The following PRXL2A variants were observed in gnomAD, a reference collection of about 807,000 sequenced individuals.
PRXL2A encodes peroxiredoxin-like 2A.
PRXL2A carries 26 observed loss-of-function variants against 25.6 expected under a neutral mutation model. The observed-to-expected ratio is 1.02, with a 90% CI of 0.74 to 1.41. PRXL2A has a LOEUF of 1.41. PRXL2A is among the 40% of genes most tolerant of loss of function. The pLI, the probability that PRXL2A is intolerant of heterozygous loss-of-function variation, is 0.00. For missense variants in PRXL2A, 246 were observed against 273.9 expected, an observed-to-expected ratio of 0.90 and a Z score of 0.72; for synonymous variants, 98 against 102.9, an observed-to-expected ratio of 0.95 and a Z score of 0.29.
In PRXL2A at chr10:80,422,584, G is replaced by C. The variant is rs747087712; in HGVS notation, c.270+76G>C. ...GCCATTGTTTTCCGGCCAGAACCAA[G>C]GGTCGGTAAGCCAGCTTTAGCCTTT... On this transcript the variant is annotated intron_variant, in intron 3 of 5. Coordinates refer to ENST00000606162, the MANE Select transcript of PRXL2A (RefSeq NM_032333.5). The C allele has an allele frequency of 1.9e-5, 22 of 1,154,300 alleles. 1 individual carries two copies. The South Asian group carries it at 3.0e-4, about 16-fold the overall frequency. 71.5% of individuals were successfully genotyped at this position (1,154,300 alleles called of 1,614,324 possible).
chr10:80,417,092 G>A (rs1286044275), intron 1 of PRXL2A, among the ~76,000 whole-genome samples: 4 of 152,190 alleles, frequency 2.6e-5, no homozygotes, highest in African/African-American at 9.7e-5. Flanking sequence ...AGGAAGGGGA[G>A]GGGGACTCAG....
At chr10:80,410,395 C>T (rs554635496) in intron 1 of PRXL2A, among the ~76,000 whole-genome samples, 1 of 152,344 alleles carries the variant, frequency 6.6e-6, no homozygotes, top group Non-Finnish European at 1.5e-5. Flanking sequence ...GGCCTGCAGG[C>T]CAGAGGGGCT....
chr10:80,418,888 C>T (rs1844759328), intron 1 of PRXL2A, among the ~76,000 whole-genome samples: 1 of 152,198 alleles, frequency 6.6e-6, no homozygotes, highest in African/African-American at 2.4e-5. Context: ...TGACAGAACC[C>T]GCCTGGAGCT....
chr10:80,429,201 A>G (rs1589215100), intron 5 of PRXL2A, among the ~76,000 whole-genome samples: 1 of 152,256 alleles, frequency 6.6e-6, no homozygotes, highest in South Asian at 2.1e-4. Flanking sequence ...CAGCTTGGTA[A>G]CTGATTCGCT....
At chr10:80,428,387 G>C (rs1023338624) in intron 5 of PRXL2A, among the ~76,000 whole-genome samples, 2 of 152,202 alleles carry the variant, frequency 1.3e-5, no homozygotes, top group African/African-American at 4.8e-5. Context: ...GGCTGGGCGC[G>C]GTGGCTCACA....
At position 80,435,415 on chromosome 10, in the gene PRXL2A, T is replaced by C. The variant is rs1263815701; in HGVS notation, c.*3316T>C. The C allele has an allele frequency of 6.6e-6, 1 of 152,044 alleles. No individual in the cohort carries two copies. Among genetic ancestry groups the C allele is most frequent in the Non-Finnish European group, 1.5e-5 (1 of 68,026 alleles). 9.4% of individuals were successfully genotyped at this position (152,044 alleles called of 1,614,324 possible). ...CCGGGGTGAGCAAAATTGTTTGTGCTGAAAATCAATGATTTGCAGCTCTCA... is the reference window on the plus strand; with the variant it reads ...CCGGGGTGAGCAAAATTGTTTGTGCCGAAAATCAATGATTTGCAGCTCTCA... On this transcript the variant is annotated 3_prime_UTR_variant, in exon 6 of 6. Transcript: ENST00000606162.
intron 3 of PRXL2A, among the ~76,000 whole-genome samples, chr10:80,423,992 A>G (rs1241433720): frequency 1.3e-5 from 2 of 152,170 alleles, no homozygotes; most frequent in Admixed American, 1.3e-4. Flanking sequence ...ATGGCTGGCA[A>G]GTCAGCAACA....
chr10:80,420,723 C>G, intron 2 of PRXL2A, 78 bp downstream of exon 2: 2 of 1,118,602 alleles, frequency 1.8e-6, no homozygotes, highest in Non-Finnish European at 2.4e-6. Context: ...TCTAAACTCT[C>G]TCCTTTTTTT....
In PRXL2A at chr10:80,433,284, T is replaced by C. The variant is rs1845326024; in HGVS notation, c.*1185T>C. ...ATTTGGCAAATCAGAAGAAAGGACA[T>C]AGAGATGATGAAATATAACTTTATC... On this transcript the variant is annotated 3_prime_UTR_variant, in exon 6 of 6. Coordinates refer to ENST00000606162, the MANE Select transcript of PRXL2A (RefSeq NM_032333.5). 1.3e-5 allele frequency: 2 copies of C among 152,246 alleles called. No homozygotes were observed. The highest frequency in any genetic ancestry group is 6.5e-5 in the Admixed American group (1 of 15,278). 9.4% of individuals were successfully genotyped at this position (152,246 alleles called of 1,614,324 possible).
At chr10:80,408,830 C>T (rs1011836850) in intron 1 of PRXL2A, among the ~76,000 whole-genome samples, 187 bp downstream of exon 1, 25 of 152,152 alleles carry the variant, frequency 1.6e-4, no homozygotes, top group Non-Finnish European at 3.4e-4. Flanking sequence ...CCTCCGAGGA[C>T]GACGACCCTT....
At chr10:80,409,449 C>T (rs1844407749) in intron 1 of PRXL2A, among the ~76,000 whole-genome samples, 1 of 152,210 alleles carries the variant, frequency 6.6e-6, no homozygotes, top group African/African-American at 2.4e-5. Context: ...TTTTCCTTGC[C>T]ACATCATGCT....
chr10:80,411,056 T>C (rs1254245356), intron 1 of PRXL2A, among the ~76,000 whole-genome samples: 1 of 151,836 alleles, frequency 6.6e-6, no homozygotes, highest in African/African-American at 2.4e-5. Context: ...GGGCTGAGAG[T>C]TGGAGACTGA....
chr10:80,427,628 AACATG>A, intron 5 of PRXL2A, 132 bp downstream of exon 5: 2 of 834,860 alleles, frequency 2.4e-6, no homozygotes, highest in Non-Finnish European at 3.8e-6. Context: ...CAAGCCAGGG[AACATG>A]AAGAAGGGAA....
At chr10:80,411,419 T>C (rs900992983) in intron 1 of PRXL2A, among the ~76,000 whole-genome samples, 1 of 152,210 alleles carries the variant, frequency 6.6e-6, no homozygotes, top group Non-Finnish European at 1.5e-5. Context: ...CTTCAAGACC[T>C]GCAGGGCCCC....
chr10:80,418,729 G>A (rs1844754577), intron 1 of PRXL2A, among the ~76,000 whole-genome samples: 1 of 152,146 alleles, frequency 6.6e-6, no homozygotes, highest in Admixed American at 6.5e-5. Flanking sequence ...GATGGCGTGA[G>A]GACCAAATGG....
intron 1 of PRXL2A, among the ~76,000 whole-genome samples, chr10:80,414,479 C>T (rs1418743809): frequency 6.6e-6 from 1 of 152,094 alleles, no homozygotes; most frequent in African/African-American, 2.4e-5. Context: ...TACACGATGA[C>T]TGAAAAAACA....
At chr10:80,423,701 C>G (rs948732500) in intron 3 of PRXL2A, among the ~76,000 whole-genome samples, 1 of 152,226 alleles carries the variant, frequency 6.6e-6, no homozygotes, top group Non-Finnish European at 1.5e-5. Context: ...TTTTATTATT[C>G]TCATTACAGA....
chr10:80,408,252 G>A (rs1017957553), upstream of PRXL2A, among the ~76,000 whole-genome samples: 1 of 152,156 alleles, frequency 6.6e-6, no homozygotes, highest in African/African-American at 2.4e-5. Context: ...TCGGCTGCAG[G>A]ACAGGTGCTT....
upstream of PRXL2A, chr10:80,408,106 C>T (rs1349230923): frequency 2.0e-5 from 3 of 151,118 alleles, no homozygotes; most frequent in Admixed American, 2.0e-4. Context: ...TGAATCTGTA[C>T]ATACAGCTTG....
Sources: gnomAD v4.1 joint callset for allele counts (sites outside exome capture counted in the v4.1 genomes callset) on GRCh38, gnomAD v4.1.1 for gene constraint, MANE v1.5 for transcripts, NCBI Gene and HGNC (gene_info 2026-07-23, HGNC 2026-07-21) for gene names.